Variants in KLF7 observed in about 807,000 individuals in gnomAD.
The protein encoded by KLF7 is Krueppel-like factor 7.
Under a neutral mutation model 27.3 loss-of-function variants are expected in KLF7, and 2 were observed. That is an observed-to-expected ratio of 0.07 (90% CI 0.03 to 0.23). KLF7 has a LOEUF of 0.23. KLF7 is among the 10% of genes least tolerant of loss of function. The pLI is 1.00. For missense variants in KLF7, 221 were observed against 394.1 expected, an observed-to-expected ratio of 0.56 and a Z score of 3.72; for synonymous variants, 165 against 162.4, an observed-to-expected ratio of 1.02 and a Z score of -0.12.
At chr2:207,095,242 G>A (rs2076602861) in intron 2 of KLF7, among the ~76,000 whole-genome samples, 1 of 151,830 alleles carries the variant, frequency 6.6e-6, no homozygotes, top group African/African-American at 2.4e-5. Flanking sequence ...TGGAGACAGG[G>A]TTTCACCGTG....
chr2:207,166,823 A>C (rs1646000658), upstream of KLF7: 6 of 1,017,170 alleles, frequency 5.9e-6, no homozygotes, highest in Middle Eastern at 4.8e-4. Flanking sequence ...CAGGGTGCAG[A>C]GAAGAAGCGC....
intron 1 of KLF7, among the ~76,000 whole-genome samples, chr2:207,163,691 T>TA (rs2078614546): frequency 6.6e-6 from 1 of 152,220 alleles, no homozygotes; most frequent in Admixed American, 6.5e-5. Flanking sequence ...TAACACTGCT[T>TA]AACAGTTAGT....
rs901824241 is a variant in KLF7, at chr2:207,076,190, G to A, written c.*5023C>T. 1.3e-5 allele frequency: 2 copies of A among 151,898 alleles called. No homozygotes were observed. The highest frequency in any genetic ancestry group is 2.4e-5 in the African/African-American group (1 of 41,336). The allele number at this position is 151,898 out of a possible 1,614,324, so 9.4% of individuals were successfully genotyped here. On this transcript the variant is annotated 3_prime_UTR_variant, in exon 4 of 4. Transcript: ENST00000309446. ...TACCACCCTCATTATGCTGACGTGGGGTCCATCTTATGGCAGTAGACAGAA... is the reference window on the plus strand; with the variant it reads ...TACCACCCTCATTATGCTGACGTGGAGTCCATCTTATGGCAGTAGACAGAA...
chr2:207,118,612 T>C (rs143269868), intron 2 of KLF7, among the ~76,000 whole-genome samples: 1 of 152,338 alleles, frequency 6.6e-6, no homozygotes, highest in East Asian at 1.9e-4. Flanking sequence ...CCCAACCATC[T>C]ATGATGAGCT....
rs2076253193 is a variant in KLF7 at position 207,080,868 on chromosome 2, C to T, written c.*345G>A. 2.4e-6 allele frequency: 1 copy of T among 415,708 alleles called. No individual in the cohort carries two copies. Among genetic ancestry groups the T allele is most frequent in the Non-Finnish European group, 4.2e-6 (1 of 235,926 alleles). 25.8% of individuals were successfully genotyped at this position (415,708 alleles called of 1,614,324 possible). ...ACGTCACATCCATTTTCTTTGATTT[C>T]CATTGGCAACAGCGGGAAATAATTC... On this transcript the variant is annotated 3_prime_UTR_variant, in exon 4 of 4. Transcript: ENST00000309446.
intron 1 of KLF7, among the ~76,000 whole-genome samples, chr2:207,134,502 G>A (rs889187622): frequency 6.6e-6 from 1 of 152,126 alleles, no homozygotes; most frequent in African/African-American, 2.4e-5. Context: ...GGGGCGCTAG[G>A]AGGAATGTTT....
intron 1 of KLF7, among the ~76,000 whole-genome samples, chr2:207,141,619 G>A (rs1447712827): frequency 6.6e-6 from 1 of 152,148 alleles, no homozygotes; most frequent in African/African-American, 2.4e-5. Context: ...TTTAAAGGAA[G>A]CCCAAATCTT....
At chr2:207,119,067 T>C (rs183538916) in intron 2 of KLF7, among the ~76,000 whole-genome samples, 129 of 152,338 alleles carry the variant, frequency 8.5e-4, no homozygotes, top group Non-Finnish European at 1.5e-4. Context: ...TCCTGTTATA[T>C]TGTTCGGGAC....
intron 2 of KLF7, among the ~76,000 whole-genome samples, chr2:207,110,685 G>C (rs915828623): frequency 5.9e-5 from 9 of 152,332 alleles, no homozygotes; most frequent in Admixed American, 4.6e-4. Flanking sequence ...GCATTTAGTG[G>C]AGGTAGGGAG....
intron 1 of KLF7, among the ~76,000 whole-genome samples, chr2:207,162,162 A>T (rs1188981001): frequency 6.6e-6 from 1 of 152,106 alleles, no homozygotes; most frequent in Non-Finnish European, 1.5e-5. Context: ...CCAAGTCAGC[A>T]GTGTGTCTAA....
chr2:207,145,842 C>G (rs1372487990), intron 1 of KLF7, among the ~76,000 whole-genome samples: 1 of 152,004 alleles, frequency 6.6e-6, no homozygotes, highest in African/African-American at 2.4e-5. Context: ...AGAAGGACCC[C>G]AGGAAAGGAA....
chr2:207,119,421 A>G (rs996843301), intron 2 of KLF7, among the ~76,000 whole-genome samples: 1 of 9,266 alleles, frequency 1.1e-4, no homozygotes, highest in Non-Finnish European at 7.7e-3. Flanking sequence ...GAAACTATTA[A>G]GATTTTTAAA....
intron 1 of KLF7, among the ~76,000 whole-genome samples, chr2:207,159,436 T>TTTCC (rs2078479336): frequency 6.6e-6 from 1 of 152,252 alleles, no homozygotes; most frequent in Non-Finnish European, 1.5e-5. Flanking sequence ...TCTTTCTTTC[T>TTTCC]TTCCTTCTTT....
intron 1 of KLF7, among the ~76,000 whole-genome samples, chr2:207,143,585 T>C (rs1016005400): frequency 1.3e-5 from 2 of 152,236 alleles, no homozygotes; most frequent in Admixed American, 1.3e-4. Context: ...CCCATTCCTG[T>C]AGACATGCAT....
intron 1 of KLF7, chr2:207,134,096 T>G: frequency 6.5e-7 from 1 of 1,534,210 alleles, no homozygotes; most frequent in Non-Finnish European, 8.7e-7. Context: ...CCGAACCAGT[T>G]ACATCATCTC....
At chr2:207,119,162 C>A (rs187465729) in intron 2 of KLF7, among the ~76,000 whole-genome samples, 1 of 152,340 alleles carries the variant, frequency 6.6e-6, no homozygotes, top group African/African-American at 2.4e-5. Context: ...GCAGCACGTT[C>A]AGAGAACATG....
chr2:207,141,839 G>A (rs2077951248), intron 1 of KLF7, among the ~76,000 whole-genome samples: 1 of 152,000 alleles, frequency 6.6e-6, no homozygotes, highest in Non-Finnish European at 1.5e-5. Context: ...GTCTCTTAGG[G>A]TAGTTATCAG....
upstream of KLF7, among the ~76,000 whole-genome samples, chr2:207,168,214 G>T (rs1216123987): frequency 6.6e-6 from 1 of 152,162 alleles, no homozygotes; most frequent in East Asian, 1.9e-4. Flanking sequence ...AACTTATTTT[G>T]TGTGTGTTAC....
At chr2:207,099,717 T>A (rs2076719442) in intron 2 of KLF7, among the ~76,000 whole-genome samples, 1 of 151,458 alleles carries the variant, frequency 6.6e-6, no homozygotes, top group Admixed American at 6.6e-5. Context: ...ATAACAAAAA[T>A]TGATATTCCT....
Sources: gnomAD v4.1 joint callset for allele counts (sites outside exome capture counted in the v4.1 genomes callset) on GRCh38, gnomAD v4.1.1 for gene constraint, MANE v1.5 for transcripts, NCBI Gene and HGNC (gene_info 2026-07-23, HGNC 2026-07-21) for gene names.